Variants in SCN3A observed in about 807,000 individuals in gnomAD.
The protein encoded by SCN3A is sodium channel protein type 3 subunit alpha.
A neutral mutation model predicts 187.6 loss-of-function variants in SCN3A; 60 were observed. The ratio of observed to expected loss-of-function variants is 0.32; its 90% CI spans 0.26 to 0.40. SCN3A has a LOEUF of 0.40. Among genes scored for constraint, SCN3A ranks in the 10% least tolerant of loss-of-function variants. SCN3A has a pLI of 1.00. For missense variants in SCN3A, 1,601 were observed against 2,428.2 expected (o/e 0.66, Z 7.16); for synonymous variants, 788 against 829.2 (o/e 0.95, Z 0.85).
At chr2:165,198,828 A>T (rs1692144261) in intron 1 of SCN3A, among the ~76,000 whole-genome samples, 1 of 151,986 alleles carries the variant, frequency 6.6e-6, no homozygotes, top group South Asian at 2.1e-4. Context: ...ATGTTTAGTT[A>T]GGCATAATAA....
chr2:165,125,463 C>G (rs1686932486), intron 18 of SCN3A, among the ~76,000 whole-genome samples: 1 of 152,056 alleles, frequency 6.6e-6, no homozygotes, highest in Admixed American at 6.6e-5. Flanking sequence ...GCCACCGCAC[C>G]CAGCGAATTT....
At chr2:165,134,407 G>C (rs963611736) in intron 15 of SCN3A, among the ~76,000 whole-genome samples, 4 of 152,106 alleles carry the variant, frequency 2.6e-5, no homozygotes, top group Non-Finnish European at 4.4e-5. Flanking sequence ...AAGGAATTCT[G>C]TCAAAATAAC....
rs1473573332 is a variant in SCN3A at position 165,090,138 on chromosome 2, C to G, written c.*12G>C. ...TAAACAATTGATCACAAAGATAATT[C>G]TTTGTTTCTTTTTACTTTTGATTTT... On this transcript the variant is annotated 3_prime_UTR_variant, in exon 28 of 28. Coordinates refer to ENST00000283254, the MANE Select transcript of SCN3A (RefSeq NM_006922.4). The surrounding 1 kb of genome is among the most constrained non-coding windows in gnomAD (Gnocchi z 4.0). 2 of 1,564,004 alleles carry G rather than the reference C, an allele frequency of 1.3e-6. No individual in the cohort carries two copies. The highest frequency in any genetic ancestry group is 1.2e-5 in the South Asian group (1 of 86,238).
rs563038965 is a variant in SCN3A, at chr2:165,115,475, G to A, written c.3494C>T (p.Pro1165Leu). The A allele has an allele frequency of 8.1e-6, 13 of 1,613,360 alleles. No homozygotes were observed. The highest frequency in any genetic ancestry group is 2.2e-5 in the East Asian group (1 of 44,858). The change falls in exon 19 of 28, where the codon CCG (proline) becomes CTG (leucine). Residue 1165 changes from proline to leucine, a missense_variant. Pro to Leu is a moderately conservative substitution (Grantham distance 98). Transcript: ENST00000283254. ...AETEPEEDLK[P>L]EACFTEGCIK... Reference sequence around the variant, plus strand: ...TTTACCTTCAGTAAAACAAGCTTCCGGTTTAAGGTCTTCTTCGGGTTCAGT... The same window carrying A: ...TTTACCTTCAGTAAAACAAGCTTCCAGTTTAAGGTCTTCTTCGGGTTCAGT...
At chr2:165,161,739 T>C (rs1158322119) in intron 9 of SCN3A, among the ~76,000 whole-genome samples, 1 of 152,210 alleles carries the variant, frequency 6.6e-6, no homozygotes, top group Non-Finnish European at 1.5e-5. Context: ...CATCTTTTGT[T>C]GTAACGTGTG....
chr2:165,203,378 T>C (rs1246424007), intron 1 of SCN3A, among the ~76,000 whole-genome samples: 2 of 152,086 alleles, frequency 1.3e-5, no homozygotes, highest in Admixed American at 6.6e-5. Context: ...ACTCCCTATA[T>C]GCATGGCCTC....
chr2:165,116,989 T>C (rs1409128916), intron 18 of SCN3A, among the ~76,000 whole-genome samples: 3 of 149,488 alleles, frequency 2.0e-5, no homozygotes. Context: ...CTCTACATTA[T>C]GGAGAGGTGG....
In SCN3A at chr2:165,090,564, C is replaced by G. The variant is rs200922494; in HGVS notation, c.5589G>C (p.Glu1863Asp). 8 of 1,613,914 alleles carry G rather than the reference C, an allele frequency of 5.0e-6. No homozygotes were observed. Among genetic ancestry groups the G allele is most frequent in the Admixed American group, 3.3e-5 (2 of 59,962 alleles). ...TTCGAAGGGCATCCATCTCTCCACT[C>G]TCACCCAAAACACGCTTTGTAAAGG... ...LFAFTKRVLGESGEMDALRIQ... is the reference protein window; with the variant it reads ...LFAFTKRVLGDSGEMDALRIQ... The change falls in exon 28 of 28, where the codon GAG (glutamate) becomes GAC (aspartate). Residue 1863 changes from glutamate to aspartate, a missense_variant. Coordinates refer to ENST00000283254, the MANE Select transcript of SCN3A (RefSeq NM_006922.4). This position sits in a 1 kb window ranked among gnomAD's most constrained non-coding sequence, Gnocchi z 4.0.
rs1172594733 is a variant in SCN3A at position 165,088,348 on chromosome 2, G to A, written c.*1802C>T. The A allele has an allele frequency of 2.0e-5, 3 of 152,228 alleles. No individual in the cohort carries two copies. The East Asian group carries it at 5.8e-4, about 29-fold the overall frequency. 9.4% of individuals were successfully genotyped at this position (152,228 alleles called of 1,614,324 possible). On this transcript the variant is annotated 3_prime_UTR_variant, in exon 28 of 28. Transcript: ENST00000283254. ...GCACAACTTTGCCACTTTGTTCATG[G>A]CTAAAAAGAACAAAGTCCATGTTAT...
chr2:165,175,320 A>G (rs933991607), intron 3 of SCN3A, among the ~76,000 whole-genome samples: 3 of 152,192 alleles, frequency 2.0e-5, no homozygotes, highest in Non-Finnish European at 4.4e-5. Context: ...TAGAAAGCAT[A>G]GAGTATACCA....
chr2:165,100,849 G>A (rs750995171), intron 21 of SCN3A, among the ~76,000 whole-genome samples: 8 of 152,118 alleles, frequency 5.3e-5, no homozygotes, highest in African/African-American at 7.2e-5. Flanking sequence ...ATGTAATAGC[G>A]TTCACTGATT....
At chr2:165,154,242 C>T (rs1026346970) in intron 11 of SCN3A, among the ~76,000 whole-genome samples, 3 of 151,790 alleles carry the variant, frequency 2.0e-5, no homozygotes, top group Non-Finnish European at 2.9e-5. Flanking sequence ...ATTTTCTATC[C>T]GCTAGCTGAT....
intron 2 of SCN3A, among the ~76,000 whole-genome samples, chr2:165,181,848 T>A (rs1033056201): frequency 6.6e-6 from 1 of 152,222 alleles, no homozygotes; most frequent in African/African-American, 2.4e-5. Flanking sequence ...ATACTTTATA[T>A]ATTCCTCCTA....
In SCN3A at chr2:165,090,362, C is replaced by T. The variant is rs994591987; in HGVS notation, c.5791G>A (p.Ala1931Thr). ...KNISSNYNKE[A>T]IKGRIDLPIK... ...GGTAAGTCAATCCTCCCTTTAATTGCCTCTTTGTTATAGTTACTTGATATA... is the reference window on the plus strand; with the variant it reads ...GGTAAGTCAATCCTCCCTTTAATTGTCTCTTTGTTATAGTTACTTGATATA... The change falls in exon 28 of 28, where the codon GCA becomes ACA. Residue 1931 changes from alanine (A) to threonine (T), a missense_variant. By Grantham distance (58) the Ala-to-Thr change is moderately conservative. Transcript: ENST00000283254. The surrounding 1 kb of genome is among the most constrained non-coding windows in gnomAD (Gnocchi z 4.0). The T allele has an allele frequency of 6.2e-7, 1 of 1,612,810 alleles. No individual in the cohort carries two copies. Among genetic ancestry groups the T allele is most frequent in the African/African-American group, 1.3e-5 (1 of 74,878 alleles).
chr2:165,093,945 G>C (rs1685236109), intron 26 of SCN3A: 1 of 195,674 alleles, frequency 5.1e-6, no homozygotes, highest in Non-Finnish European at 1.1e-5. Context: ...TGGTGTATTT[G>C]GTGAAACAAA....
intron 12 of SCN3A, among the ~76,000 whole-genome samples, chr2:165,142,504 G>C (rs116589494): frequency 1.1e-3 from 161 of 152,292 alleles, no homozygotes; most frequent in African/African-American, 3.7e-3. Flanking sequence ...TGGCTGTCCA[G>C]CTTGTCCATC....
At chr2:165,200,352 A>G (rs1316507406) in intron 1 of SCN3A, among the ~76,000 whole-genome samples, 4 of 152,116 alleles carry the variant, frequency 2.6e-5, no homozygotes, top group South Asian at 2.1e-4. Flanking sequence ...TCATGTTTCT[A>G]TACATAAATG....
intron 17 of SCN3A, among the ~76,000 whole-genome samples, chr2:165,128,449 G>A (rs73969191): frequency 0.027 from 4,078 of 151,868 alleles, 190 homozygotes; most frequent in African/African-American, 0.092. Flanking sequence ...GAGAGAGAGA[G>A]AAAGATACTT....
intron 1 of SCN3A, among the ~76,000 whole-genome samples, chr2:165,200,034 G>T (rs1217738420): frequency 6.6e-6 from 1 of 152,062 alleles, no homozygotes; most frequent in Non-Finnish European, 1.5e-5. Context: ...AGTTACAATT[G>T]TTCAGTCTAC....
Sources: allele counts gnomAD v4.1 joint callset (sites outside exome capture counted in the v4.1 genomes callset), GRCh38; gene constraint gnomAD v4.1.1; non-coding constraint Gnocchi (gnomAD v3.1); transcripts MANE v1.5; gene names NCBI Gene and HGNC (gene_info 2026-07-23, HGNC 2026-07-21).